ACMSD: variants seen among roughly 807,000 people sequenced by gnomAD.
ACMSD encodes the protein 2-amino-3-carboxymuconate-6-semialdehyde decarboxylase.
ACMSD carries 37 observed loss-of-function variants against 45.9 expected under a neutral mutation model. That is an observed-to-expected ratio of 0.81 (90% confidence interval 0.62 to 1.06). The LOEUF is 1.06. ACMSD is among the 50% of genes least tolerant of loss of function. ACMSD has a pLI of 0.00. For missense variants in ACMSD, 434 were observed against 420.9 expected, an observed-to-expected ratio of 1.03 and a Z score of -0.27; for synonymous variants, 138 against 148.8, an observed-to-expected ratio of 0.93 and a Z score of 0.53.
At chr2:134,876,557 C>T (rs779906127) in intron 8 of ACMSD, among the ~76,000 whole-genome samples, 1 of 152,152 alleles carries the variant, frequency 6.6e-6, no homozygotes, top group African/African-American at 2.4e-5. Context: ...GGAAGGTCTT[C>T]GGGGTCAATA....
At chr2:134,868,872 A>T (rs969586542) in intron 6 of ACMSD, 2 of 152,214 alleles carry the variant, frequency 1.3e-5, no homozygotes, top group Admixed American at 6.5e-5. Context: ...AATATATTGG[A>T]AGTCAAAAAC....
chr2:134,885,603 T>C (rs536759234), intron 8 of ACMSD, among the ~76,000 whole-genome samples: 57 of 150,872 alleles, frequency 3.8e-4, no homozygotes, highest in African/African-American at 1.3e-3. Flanking sequence ...TCTAAACTTG[T>C]ATCAAAATAA....
At position 134,867,674 on chromosome 2, in the gene ACMSD, T is replaced by A; in HGVS notation, c.580+2T>A. On this transcript the variant is annotated splice_donor_variant, in intron 6 of 9. Transcript: ENST00000356140. LOFTEE classifies it high-confidence loss of function. Reference sequence around the variant, plus strand: ...AATACTGGCTCCCTTGGCTTGTAGGTTTGTGTCTGTGTGGGGTCTGGAACA... The same window carrying A: ...AATACTGGCTCCCTTGGCTTGTAGGATTGTGTCTGTGTGGGGTCTGGAACA... 6.2e-7 allele frequency: 1 copy of A among 1,612,922 alleles called. No homozygotes were observed. The highest frequency in any genetic ancestry group is 1.3e-5 in the African/African-American group (1 of 74,998).
At chr2:134,840,591 G>A (rs1249877256) in intron 1 of ACMSD, among the ~76,000 whole-genome samples, 7 of 152,120 alleles carry the variant, frequency 4.6e-5, no homozygotes, top group South Asian at 2.1e-4. Context: ...CTTCTGCCAC[G>A]TGAGGGCACA....
intron 8 of ACMSD, among the ~76,000 whole-genome samples, chr2:134,892,148 G>A (rs1042111972): frequency 6.6e-6 from 1 of 151,902 alleles, no homozygotes; most frequent in African/African-American, 2.4e-5. Flanking sequence ...TTCAGGTGAT[G>A]GTTACACTAA....
At chr2:134,859,197 A>T in intron 2 of ACMSD, 64 bp from the exon 3 acceptor site, 1 of 1,318,138 alleles carries the variant, frequency 7.6e-7, no homozygotes, top group Non-Finnish European at 1.1e-6. Flanking sequence ...TCTAAAGCAC[A>T]TGAGGAAAGA....
At chr2:134,852,195 T>C (rs1431485406) in intron 2 of ACMSD, among the ~76,000 whole-genome samples, 2 of 152,134 alleles carry the variant, frequency 1.3e-5, no homozygotes, top group East Asian at 3.9e-4. Context: ...CAGGCCAGGT[T>C]AAGGAGTCTG....
intron 7 of ACMSD, 122 bp from the exon 8 acceptor site, chr2:134,872,335 CATTCAGAACACA>C: frequency 1.1e-6 from 1 of 901,496 alleles, no homozygotes; most frequent in Non-Finnish European, 1.7e-6. Flanking sequence ...CATCTCCCAG[CATTCAGAACACA>C]ATAGGTCCTC....
At chr2:134,854,621 C>T (rs1333736405) in intron 2 of ACMSD, among the ~76,000 whole-genome samples, 1 of 152,228 alleles carries the variant, frequency 6.6e-6, no homozygotes, top group African/African-American at 2.4e-5. Context: ...AAGTTATATG[C>T]ACAGGTGGGT....
intron 7 of ACMSD, among the ~76,000 whole-genome samples, chr2:134,871,933 A>G (rs1214906532): frequency 6.6e-6 from 1 of 150,818 alleles, no homozygotes; most frequent in African/African-American, 2.4e-5. Context: ...AACTTTGATT[A>G]CATATCTTTA....
Position 134,870,985 on chromosome 2 carries a change from A to G in ACMSD, c.601A>G (p.Ile201Val). 6.2e-7 allele frequency: 1 copy of G among 1,614,140 alleles called. No homozygotes were observed. Among genetic ancestry groups the G allele is most frequent in the Non-Finnish European group, 8.5e-7 (1 of 1,180,012 alleles). ...WLVGMPAETT[I>V]AICSMIMGGV... is the part of the protein sequence containing the mutation. ...TTCAGGAATGCCAGCAGAGACCACC[A>G]TAGCCATTTGCTCCATGATCATGGG... The change falls in exon 7 of 10, where the codon ATA becomes GTA. Residue 201 changes from isoleucine to valine, a missense_variant. By Grantham distance (29) the Ile-to-Val change is conservative (BLOSUM62 3). Coordinates refer to ENST00000356140, the MANE Select transcript of ACMSD (RefSeq NM_138326.3).
At chr2:134,875,924 C>T (rs973354842) in intron 8 of ACMSD, among the ~76,000 whole-genome samples, 20 of 152,332 alleles carry the variant, frequency 1.3e-4, no homozygotes, top group Admixed American at 1.1e-3. Context: ...GCCTACTACA[C>T]ACCTAAACTA....
At chr2:134,872,815 G>A (rs1196634510) in intron 8 of ACMSD, 174 bp downstream of exon 8, 2 of 680,714 alleles carry the variant, frequency 2.9e-6, no homozygotes, top group Non-Finnish European at 4.9e-6. Context: ...TTCTCTCCAG[G>A]GTCTCCCTCC....
intron 5 of ACMSD, among the ~76,000 whole-genome samples, chr2:134,865,154 T>C (rs1302817188): frequency 1.3e-5 from 2 of 152,218 alleles, no homozygotes; most frequent in African/African-American, 4.8e-5. Flanking sequence ...TTTGTATCTA[T>C]GGCGACTGCC....
chr2:134,862,689 G>T (rs567633732), intron 4 of ACMSD, among the ~76,000 whole-genome samples: 37 of 152,268 alleles, frequency 2.4e-4, no homozygotes, highest in African/African-American at 7.7e-4. Context: ...CTGTTCCTGC[G>T]ATTGCATTCA....
chr2:134,878,547 G>A (rs532507684), intron 8 of ACMSD, among the ~76,000 whole-genome samples: 11 of 152,098 alleles, frequency 7.2e-5, no homozygotes, highest in African/African-American at 1.4e-4. Flanking sequence ...GGCTGGTCTC[G>A]ACCTCCTGGA....
At chr2:134,850,553 C>T (rs995473418) in intron 2 of ACMSD, among the ~76,000 whole-genome samples, 4 of 152,176 alleles carry the variant, frequency 2.6e-5, no homozygotes, top group Non-Finnish European at 5.9e-5. Context: ...TAGGCGTGAG[C>T]CAACAGGCTT....
At position 134,901,825 on chromosome 2, in the gene ACMSD, G is replaced by T; in HGVS notation, c.976G>T (p.Ala326Ser). Reference sequence around the variant, plus strand: ...TAAACTCAAAGCCGGCAATGCCCTGGCATTTTTGGGTCTTGAGAGAAAACA... The same window carrying T: ...TAAACTCAAAGCCGGCAATGCCCTGTCATTTTTGGGTCTTGAGAGAAAACA... ...KNKLKAGNAL[A>S]FLGLERKQFE The change falls in exon 10 of 10, where the codon GCA becomes TCA. Residue 326 changes from alanine to serine, a missense_variant. Physicochemically the swap from Ala to Ser is moderately conservative, Grantham distance 99 (BLOSUM62 1). Coordinates refer to ENST00000356140, the MANE Select transcript of ACMSD (RefSeq NM_138326.3). 1 of 1,598,458 alleles carries T rather than the reference G, an allele frequency of 6.3e-7. No individual in the cohort carries two copies. Among genetic ancestry groups the T allele is most frequent in the Non-Finnish European group, 8.5e-7 (1 of 1,170,016 alleles).
At position 134,852,992 on chromosome 2, in the gene ACMSD, G is replaced by A. The variant is rs141214487; in HGVS notation, c.103-6269G>A. Among the ~76,000 whole-genome samples the A allele has an allele frequency of 2.4e-3, 367 of 151,850 alleles. 1 individual carries two copies. Among genetic ancestry groups the A allele is most frequent in the African/African-American group, 8.3e-3 (343 of 41,454 alleles). Reference sequence around the variant, plus strand: ...AGCCTGGCCATCATGGTGAAACCCCGTCTCTACTAAAAATACAAAAATTAG... The same window carrying A: ...AGCCTGGCCATCATGGTGAAACCCCATCTCTACTAAAAATACAAAAATTAG... On this transcript the variant is annotated intron_variant, in intron 2 of 9. Transcript: ENST00000356140.
Sources: allele counts gnomAD v4.1 joint callset (sites outside exome capture counted in the v4.1 genomes callset), GRCh38; gene constraint gnomAD v4.1.1; transcripts MANE v1.5; gene names NCBI Gene and HGNC (gene_info 2026-07-23, HGNC 2026-07-21).